Variants in REPS2 observed in about 807,000 individuals in gnomAD.
The protein encoded by REPS2 is RALBP1 associated Eps domain containing 2.
In REPS2, 23 loss-of-function variants were observed where a neutral mutation model predicts 53.6. The observed-to-expected ratio is 0.43, with a 90% CI of 0.31 to 0.61. REPS2 has a LOEUF of 0.61. Among genes scored for constraint, REPS2 ranks in the 20% least tolerant of loss-of-function variants. The probability of loss-of-function intolerance (pLI) is 0.11; values close to 1 mark genes in which losing one functional copy is unlikely to be tolerated. For synonymous variants in REPS2, 238 were observed against 218.6 expected (o/e 1.09, Z -0.78); for missense variants, 446 against 534.9 (o/e 0.83, Z 1.64).
chrX:17,031,051 C>T (rs779299432), intron 5 of REPS2, among the ~76,000 whole-genome samples: 3 of 112,669 alleles, frequency 2.7e-5, no homozygotes, highest in African/African-American at 9.7e-5. Context: ...TTTGTTTCTT[C>T]AGCTGAGCTC....
chrX:16,968,037 A>C (rs1168850491), intron 1 of REPS2, among the ~76,000 whole-genome samples: 2 of 110,740 alleles, frequency 1.8e-5, no homozygotes, highest in African/African-American at 3.3e-5. Context: ...GGGAGCGGTG[A>C]TGACTCTTAA....
At chrX:17,038,697 T>G (rs965717284) in intron 5 of REPS2, among the ~76,000 whole-genome samples, 10 of 112,298 alleles carry the variant, frequency 8.9e-5, no homozygotes, top group Non-Finnish European at 1.7e-4. Context: ...CTGGGACTTA[T>G]GCTGACGGGT....
In REPS2 at chrX:17,068,433, C is replaced by T. The variant is rs764375554; in HGVS notation, c.1241C>T (p.Pro414Leu). Residue 414 changes from proline (P) to leucine (L), a missense_variant, in exon 10 of 18, where the codon CCT becomes CTT. Physicochemically the swap from Pro to Leu is moderately conservative, Grantham distance 98. Coordinates refer to ENST00000357277, the MANE Select transcript of REPS2 (RefSeq NM_004726.3). ...KTSVKDMADLPVPNQDVTSDD... is the reference protein window; with the variant it reads ...KTSVKDMADLLVPNQDVTSDD... ...TCTGTTAAAGACATGGCTGACCTTC[C>T]TGTCCCTAACCAGGATGTAACTAGT... is the stretch of plus-strand genomic sequence containing the variant. 5 of 1,207,412 alleles carry T rather than the reference C, an allele frequency of 4.1e-6. No individual in the cohort carries two copies. Among genetic ancestry groups the T allele is most frequent in the Non-Finnish European group, 4.5e-6 (4 of 892,142 alleles).
the REPS2 span, among the ~76,000 whole-genome samples, chrX:17,180,375 G>A: frequency 9.0e-6 from 1 of 111,120 alleles, no homozygotes; most frequent in African/African-American, 3.3e-5. Context: ...TATACTAAGC[G>A]ATCTTGAGCA....
intron 13 of REPS2, among the ~76,000 whole-genome samples, chrX:17,077,997 A>G (rs1465930314): frequency 8.9e-6 from 1 of 112,084 alleles, no homozygotes; most frequent in Non-Finnish European, 1.9e-5. Flanking sequence ...GCAGTTGTGT[A>G]GTGGGGCTGG....
the REPS2 span, among the ~76,000 whole-genome samples, chrX:17,195,599 A>G: frequency 8.9e-6 from 1 of 112,282 alleles, no homozygotes; most frequent in Admixed American, 9.4e-5. Flanking sequence ...TAAAATTGTA[A>G]GGGTATGTAC....
chrX:17,059,145 G>A (rs1412320881), intron 8 of REPS2, among the ~76,000 whole-genome samples: 1 of 107,524 alleles, frequency 9.3e-6, no homozygotes, highest in Non-Finnish European at 1.9e-5. Flanking sequence ...AAAGTAGCTG[G>A]GACTACAGGC....
At chrX:17,052,556 A>G in intron 7 of REPS2, 111 bp downstream of exon 7, 1 of 529,234 alleles carries the variant, frequency 1.9e-6, no homozygotes. Context: ...TTTTTAACAG[A>G]CTACAGGAGT....
At chrX:17,050,721 A>T (rs2147926538) in intron 6 of REPS2, among the ~76,000 whole-genome samples, 1 of 110,788 alleles carries the variant, frequency 9.0e-6, no homozygotes, top group African/African-American at 3.3e-5. Context: ...TAATTAAAAC[A>T]TTTGTGTGGG....
At chrX:16,976,460 G>T (rs1212402379) in intron 1 of REPS2, among the ~76,000 whole-genome samples, 1 of 110,846 alleles carries the variant, frequency 9.0e-6, no homozygotes, top group East Asian at 2.8e-4. Flanking sequence ...TCTACCAATT[G>T]GATATAGTCA....
intron 14 of REPS2, among the ~76,000 whole-genome samples, chrX:17,117,203 C>G (rs958645955): frequency 4.4e-5 from 5 of 112,397 alleles, no homozygotes; most frequent in African/African-American, 1.6e-4. Context: ...AAAGTGATAC[C>G]TTAGCCTCTG....
chrX:17,084,988 TA>T (rs1446958675), intron 13 of REPS2, among the ~76,000 whole-genome samples: 3 of 112,227 alleles, frequency 2.7e-5, no homozygotes, highest in Non-Finnish European at 5.6e-5. Flanking sequence ...TCTTTTCTTC[TA>T]AAAGTCTTAT....
At chrX:17,106,709 C>T (rs2062879643) in intron 14 of REPS2, among the ~76,000 whole-genome samples, 1 of 111,429 alleles carries the variant, frequency 9.0e-6, no homozygotes, top group Admixed American at 9.6e-5. Context: ...CCACCATGCC[C>T]GGCTGCCCAA....
At chrX:17,000,331 A>G (rs1419068286) in intron 1 of REPS2, among the ~76,000 whole-genome samples, 3 of 111,446 alleles carry the variant, frequency 2.7e-5, no homozygotes, top group African/African-American at 6.5e-5. Flanking sequence ...GGGTCTCACT[A>G]TGTTTCTCAG....
At chrX:16,971,477 C>G (rs2060893912) in intron 1 of REPS2, among the ~76,000 whole-genome samples, 1 of 111,727 alleles carries the variant, frequency 9.0e-6, no homozygotes, top group African/African-American at 3.3e-5. Flanking sequence ...TGTGGGTTGT[C>G]TTTTTACTTT....
chrX:17,118,520 C>T (rs1000853559), intron 14 of REPS2, among the ~76,000 whole-genome samples: 1 of 111,868 alleles, frequency 8.9e-6, no homozygotes, highest in South Asian at 3.8e-4. Context: ...ATTCAGAGAG[C>T]AGAAGTTAAC....
In REPS2 at chrX:17,016,219, A is replaced by G. The variant is rs957675558; in HGVS notation, c.398-5904A>G. Among the ~76,000 whole-genome samples the G allele has an allele frequency of 2.7e-5, 3 of 111,351 alleles. 1 individual carries two copies. Among genetic ancestry groups the G allele is most frequent in the Non-Finnish European group, 5.6e-5 (3 of 53,101 alleles). On this transcript the variant is annotated intron_variant, in intron 2 of 17. Transcript: ENST00000357277. ...ACTGCGTAAATGTCTTCTTTTGAGAAGTGTCTGTTCATATCCTTCGCCCAC... is the reference window on the plus strand; with the variant it reads ...ACTGCGTAAATGTCTTCTTTTGAGAGGTGTCTGTTCATATCCTTCGCCCAC...
At chrX:17,172,017 C>G in the REPS2 span, among the ~76,000 whole-genome samples, 22 of 111,639 alleles carry the variant, frequency 2.0e-4, no homozygotes, top group African/African-American at 6.5e-4. Context: ...AAATTATATA[C>G]AGATCTTATT....
At chrX:17,191,572 A>ATT in the REPS2 span, among the ~76,000 whole-genome samples, 3 of 112,501 alleles carry the variant, frequency 2.7e-5, no homozygotes, top group African/African-American at 9.7e-5. Context: ...CCCACTTATA[A>ATT]GTATTTGCCT....
Sources: allele counts gnomAD v4.1 joint callset (sites outside exome capture counted in the v4.1 genomes callset), GRCh38; gene constraint gnomAD v4.1.1; transcripts MANE v1.5; gene names NCBI Gene and HGNC (gene_info 2026-07-23, HGNC 2026-07-21).